The following METTL27 variants were observed in gnomAD, a reference collection of about 807,000 sequenced individuals.
METTL27 encodes methyltransferase like 27.
In METTL27, 29 loss-of-function variants were observed where a neutral mutation model predicts 24.5. That is an observed-to-expected ratio of 1.18 (90% CI 0.88 to 1.61). The LOEUF (loss-of-function observed/expected upper bound fraction) is 1.61. Ranked by LOEUF, METTL27 falls within the 40% of genes most tolerant of loss-of-function variation. METTL27 has a pLI of 0.00. For synonymous variants in METTL27, 138 were observed against 146.8 expected, an observed-to-expected ratio of 0.94 and a Z score of 0.43; for missense variants, 341 against 324.3, an observed-to-expected ratio of 1.05 and a Z score of -0.40.
intron 1 of METTL27, 103 bp from the exon 2 acceptor site, chr7:73,842,247 G>C (rs1314599452): frequency 1.8e-5 from 26 of 1,478,864 alleles, no homozygotes; most frequent in Non-Finnish European, 2.1e-5. Flanking sequence ...CAGGCCTCCT[G>C]CCAGCGCGAC....
chr7:73,840,562 T>C lies in METTL27; in HGVS notation c.253-13A>G. On this transcript the variant is annotated splice_polypyrimidine_tract_variant and intron_variant, in intron 3 of 5. Transcript: ENST00000297873. ...CTGGAGCCCGCAGCTGGGGTAGGGG[T>C]GGGAGACTCAGTCATGGTTCACACC... The C allele has an allele frequency of 1.3e-6, 2 of 1,570,994 alleles. No homozygotes were observed. The highest frequency in any genetic ancestry group is 8.6e-7 in the Non-Finnish European group (1 of 1,160,446).
chr7:73,841,529 G>A (rs2130561502), intron 2 of METTL27, among the ~76,000 whole-genome samples: 1 of 149,628 alleles, frequency 6.7e-6, no homozygotes, highest in Non-Finnish European at 1.5e-5. Context: ...CTGGAGTGCA[G>A]TGAAGAGATC....
At position 73,834,754 on chromosome 7, in the gene METTL27, A is replaced by C; in HGVS notation, c.727T>G (p.Leu243Val). 6.2e-7 allele frequency: 1 copy of C among 1,613,942 alleles called. No individual in the cohort carries two copies. The highest frequency in any genetic ancestry group is 8.5e-7 in the Non-Finnish European group (1 of 1,179,946). ...TCTESGRRPR[L>V]RK ...CTGGGGGCTGGATCTCACTTCCTCA[A>C]CCTGGGTCGCCTTCCACTTTCGGTA... Residue 243 changes from leucine to valine, a missense_variant, in exon 6 of 6, where the codon TTG (leucine) becomes GTG (valine). Leu to Val is a conservative substitution (Grantham distance 32, BLOSUM62 1). Coordinates refer to ENST00000297873, the MANE Select transcript of METTL27 (RefSeq NM_152559.3).
rs181710237 is a variant in METTL27 at position 73,839,729 on chromosome 7, C to T, written c.478+302G>A. 2.0e-3 allele frequency: 715 copies of T among 359,266 alleles called. 5 individuals are homozygous for T. Among genetic ancestry groups the T allele is most frequent in the South Asian group, 5.2e-3 (70 of 13,456 alleles). The allele number at this position is 359,266 out of a possible 1,614,324, so 22.3% of individuals were successfully genotyped here. A position where few individuals can be genotyped will look rare whatever the true frequency, so the allele number is the denominator to read the frequency against. On this transcript the variant is annotated intron_variant, in intron 5 of 5. Coordinates refer to ENST00000297873, the MANE Select transcript of METTL27 (RefSeq NM_152559.3). ...TCACCTGATTCTCACTGCAGTCCTA[C>T]GGGGACTGGATTGTAGCATTTATAC...
intron 5 of METTL27, chr7:73,839,730 G>A (rs1298159819): frequency 2.8e-6 from 1 of 358,916 alleles, no homozygotes; most frequent in Non-Finnish European, 5.0e-6. Flanking sequence ...GCAGTCCTAC[G>A]GGGACTGGAT....
intron 1 of METTL27, among the ~76,000 whole-genome samples, 164 bp from the exon 2 acceptor site, chr7:73,842,308 G>A (rs1554636661): frequency 6.6e-6 from 1 of 152,134 alleles, no homozygotes; most frequent in East Asian, 1.9e-4. Context: ...AGAGAGGGCG[G>A]GCTTGGATAT....
rs549816423 is a variant in METTL27, at chr7:73,842,220, C to A, written c.-4-76G>T. On this transcript the variant is annotated intron_variant, in intron 1 of 5. Transcript: ENST00000297873. ...CCTCCTTTCCCCCTTCCCTCCTCCC[C>A]CTTCAGAGGAGGCTGCCAGGCCTCC... The A allele has an allele frequency of 2.4e-4, 364 of 1,519,578 alleles. 2 individuals are homozygous for A. The East Asian group carries it at 8.1e-3, about 34-fold the overall frequency. 94.1% of individuals were successfully genotyped at this position (1,519,578 alleles called of 1,614,324 possible). A position where few individuals can be genotyped will look rare whatever the true frequency, so the allele number is the denominator to read the frequency against.
In METTL27 at chr7:73,840,134, G is replaced by T. The variant is rs73140869; in HGVS notation, c.389-14C>A. 288,765 of 1,480,020 alleles carry T rather than the reference G, an allele frequency of 0.2. 28,933 individuals are homozygous for T. Among genetic ancestry groups the T allele is most frequent in the Non-Finnish European group, 0.22 (233,577 of 1,080,450 alleles). 91.7% of individuals were successfully genotyped at this position (1,480,020 alleles called of 1,614,324 possible). ...CGTCGAAGGTCCCTGTGTGTGTGTGGGGGGGGGTGGGGACATGGTGTGATG... is the reference window on the plus strand; with the variant it reads ...CGTCGAAGGTCCCTGTGTGTGTGTGTGGGGGGGTGGGGACATGGTGTGATG... On this transcript the variant is annotated splice_polypyrimidine_tract_variant and intron_variant, in intron 4 of 5. Transcript: ENST00000297873.
At chr7:73,835,758 A>G in intron 5 of METTL27, among the ~76,000 whole-genome samples, 2 of 61,692 alleles carry the variant, frequency 3.2e-5, no homozygotes, top group Admixed American at 1.3e-4. Context: ...CATCCGACCT[A>G]GGAAGTGAGG....
At chr7:73,840,889 G>C (rs1357815657) in intron 3 of METTL27, among the ~76,000 whole-genome samples, 181 bp downstream of exon 3, 1 of 152,186 alleles carries the variant, frequency 6.6e-6, no homozygotes, top group African/African-American at 2.4e-5. Flanking sequence ...TCAAACTCCT[G>C]GCCCCAAGCT....
In METTL27 at chr7:73,834,971, G is replaced by A. The variant is rs1788120655; in HGVS notation, c.510C>T (p.Asn170=). ...GGLVCLTTRT[N]SSNLQYKEAL... is the part of the protein sequence containing the mutation. Reference sequence around the variant, plus strand: ...CCTCCTTGTATTGAAGGTTGGACGAGTTGGTCCTGGTGGTCAGACACACCA... The same window carrying A: ...CCTCCTTGTATTGAAGGTTGGACGAATTGGTCCTGGTGGTCAGACACACCA... The change falls in exon 6 of 6, where the codon AAC becomes AAT. Residue 170 remains asparagine (N), a synonymous_variant. Coordinates refer to ENST00000297873, the MANE Select transcript of METTL27 (RefSeq NM_152559.3). The A allele has an allele frequency of 1.2e-6, 2 of 1,612,928 alleles. No homozygotes were observed. The highest frequency in any genetic ancestry group is 2.7e-5 in the African/African-American group (2 of 74,876).
chr7:73,840,168 G>T, intron 4 of METTL27, 48 bp from the exon 5 acceptor site: 1 of 1,566,388 alleles, frequency 6.4e-7, no homozygotes, highest in Non-Finnish European at 8.7e-7. Flanking sequence ...TGCTTGGAAG[G>T]TACTTTGTCT....
intron 2 of METTL27, among the ~76,000 whole-genome samples, chr7:73,841,757 C>T (rs1554636501): frequency 2.0e-5 from 3 of 152,116 alleles, no homozygotes; most frequent in South Asian, 2.1e-4. Flanking sequence ...AGGATTACGG[C>T]TTGTGAGCCA....
At chr7:73,838,807 C>T (rs1253994388) in intron 5 of METTL27, among the ~76,000 whole-genome samples, 1 of 142,938 alleles carries the variant, frequency 7.0e-6, no homozygotes, top group East Asian at 2.1e-4. Flanking sequence ...CCAGGCTTAG[C>T]CACAGCCTCT....
At chr7:73,837,572 C>CT (rs1479928269) in intron 5 of METTL27, among the ~76,000 whole-genome samples, 6 of 147,000 alleles carry the variant, frequency 4.1e-5, no homozygotes, top group East Asian at 4.0e-4. Flanking sequence ...TTCTTTCTTT[C>CT]TTTTTTTTTG....
In METTL27 at chr7:73,842,030, C is replaced by T. The variant is rs782305821; in HGVS notation, c.111G>A (p.Pro37=). Residue 37 remains proline (P), a synonymous_variant, in exon 2 of 6, where the codon CCG becomes CCA. Coordinates refer to ENST00000297873, the MANE Select transcript of METTL27 (RefSeq NM_152559.3). The stretch of plus-strand genomic sequence containing the variant: ...CAAATGAGTTTACCTGGTCGTAGTC[C>T]GGAGCCCAGCGGTCATAGAAATGGA... ...QKLHFYDRWA[P]DYDQDVATLL... 6.2e-7 allele frequency: 1 copy of T among 1,614,118 alleles called. No homozygotes were observed. The highest frequency in any genetic ancestry group is 8.5e-7 in the Non-Finnish European group (1 of 1,179,996).
chr7:73,837,126 C>T (rs1465583202), intron 5 of METTL27, among the ~76,000 whole-genome samples: 1 of 143,852 alleles, frequency 7.0e-6, no homozygotes, highest in African/African-American at 2.5e-5. Context: ...ATCTCAAGTA[C>T]CCAGGGACAC....
In METTL27 at chr7:73,835,020, G is replaced by A. The variant is rs369426084; in HGVS notation, c.479-18C>T. On this transcript the variant is annotated intron_variant, in intron 5 of 5. Coordinates refer to ENST00000297873, the MANE Select transcript of METTL27 (RefSeq NM_152559.3). ...CAGCCCACCTGGGGGAGAGGGGTAG[G>A]TGAGGTGGGGGAGGGGCAGGAGCCA... is the stretch of plus-strand genomic sequence containing the variant. 25 of 1,597,260 alleles carry A rather than the reference G, an allele frequency of 1.6e-5. No homozygotes were observed. Among genetic ancestry groups the A allele is most frequent in the Non-Finnish European group, 2.0e-5 (24 of 1,173,388 alleles).
At chr7:73,837,855 T>C (rs1210919845) in intron 5 of METTL27, among the ~76,000 whole-genome samples, 6 of 151,916 alleles carry the variant, frequency 3.9e-5, no homozygotes, top group Admixed American at 3.9e-4. Context: ...ACCCCCCCTT[T>C]TTTTTCTTTC....
Sources: gnomAD v4.1 joint callset for allele counts (sites outside exome capture counted in the v4.1 genomes callset) on GRCh38, gnomAD v4.1.1 for gene constraint, MANE v1.5 for transcripts, NCBI Gene and HGNC (gene_info 2026-07-23, HGNC 2026-07-21) for gene names.